The following MAPT variants were observed in gnomAD, a reference collection of about 807,000 sequenced individuals.
The protein encoded by MAPT is microtubule associated protein tau, also known as microtubule-associated protein tau.
MAPT carries 34 observed loss-of-function variants against 67.9 expected under a neutral mutation model. The ratio of observed to expected loss-of-function variants is 0.50; its 90% CI spans 0.38 to 0.67. The LOEUF (loss-of-function observed/expected upper bound fraction) is 0.67. MAPT is among the 30% of genes least tolerant of loss of function. MAPT has a pLI of 0.00. For missense variants in MAPT, 881 were observed against 1,115.2 expected, an observed-to-expected ratio of 0.79 and a Z score of 2.99; for synonymous variants, 456 against 464.5, an observed-to-expected ratio of 0.98 and a Z score of 0.23.
At chr17:45,992,384 G>C (rs2074128507) in intron 8 of MAPT, among the ~76,000 whole-genome samples, 1 of 152,172 alleles carries the variant, frequency 6.6e-6, no homozygotes, top group Non-Finnish European at 1.5e-5. Context: ...CAGCAGCCTG[G>C]ATAAGTCACA....
intron 1 of MAPT, among the ~76,000 whole-genome samples, chr17:45,956,043 A>G (rs568989510): frequency 6.6e-6 from 1 of 152,234 alleles, no homozygotes; most frequent in South Asian, 2.1e-4. Context: ...GCCTCCTTCC[A>G]TTTAAATGTA....
chr17:45,988,950 G>T (rs962220202), intron 6 of MAPT, among the ~76,000 whole-genome samples: 6 of 141,768 alleles, frequency 4.2e-5, no homozygotes, highest in African/African-American at 1.5e-4. Context: ...TCACCAGATA[G>T]TGTTAATATT....
intron 1 of MAPT, among the ~76,000 whole-genome samples, chr17:45,941,495 TAG>T (rs1480181159): frequency 6.6e-6 from 1 of 151,982 alleles, no homozygotes; most frequent in Non-Finnish European, 1.5e-5. Flanking sequence ...CCCAGGGGTG[TAG>T]AGTTTTGCCA....
intron 1 of MAPT, chr17:45,895,048 CGTGTGT>C (rs10593245): frequency 0.043 from 5,783 of 133,494 alleles, 173 homozygotes; most frequent in African/African-American, 0.082. Context: ...CCGCAATGGG[CGTGTGT>C]GTGTGTGTGT....
intron 12 of MAPT, among the ~76,000 whole-genome samples, chr17:46,023,478 C>G (rs193239523): frequency 9.8e-5 from 15 of 152,296 alleles, no homozygotes; most frequent in Admixed American, 8.5e-4. Context: ...GGGGAGGGTA[C>G]CTGGGTGCCT....
rs113091392 is a variant in MAPT, at chr17:45,999,723, C to T, written c.1998+3059C>T. The T allele has an allele frequency of 2.3e-4, 326 of 1,391,862 alleles. 3 individuals carry two copies. In the African/African-American group the frequency reaches 3.6e-3, roughly 15 times the overall value. The allele number at this position is 1,391,862 out of a possible 1,614,324, so 86.2% of individuals were successfully genotyped here. On this transcript the variant is annotated intron_variant, in intron 9 of 12. Transcript: ENST00000262410. ...GTCACCATGCTGGGTGGAGGCAGCA[C>T]GTCCAAATCTACTAAAGGGTTAAAG...
intron 4 of MAPT, 71 bp downstream of exon 4, chr17:45,978,511 A>C (rs2072620590): frequency 8.0e-7 from 1 of 1,256,852 alleles, no homozygotes; most frequent in African/African-American, 1.5e-5. Context: ...CTCTGCCCTG[A>C]AAAGATCATT....
intron 1 of MAPT, among the ~76,000 whole-genome samples, chr17:45,949,514 T>C (rs1277862982): frequency 3.3e-5 from 5 of 152,148 alleles, no homozygotes; most frequent in Admixed American, 3.3e-4. Context: ...CATCAAAATA[T>C]CAGAATTCAA....
At position 45,897,135 on chromosome 17, in the gene MAPT, T is replaced by C. The variant is rs1020100849; in HGVS notation, c.-18+2449T>C. 6.6e-6 allele frequency: 1 copy of C among 152,146 alleles called. No homozygotes were observed. Among genetic ancestry groups the C allele is most frequent in the Non-Finnish European group, 1.5e-5 (1 of 68,076 alleles). 9.4% of individuals were successfully genotyped at this position (152,146 alleles called of 1,614,324 possible). On this transcript the variant is annotated intron_variant, in intron 1 of 12. Transcript: ENST00000262410. This position sits in a 1 kb window ranked among gnomAD's most constrained non-coding sequence, Gnocchi z 5.0. ...GAGGGGTTGCAGAGCGGCTCAGGGATCGATTCAAGCATCGTCTCTCCTCCC... is the reference window on the plus strand; with the variant it reads ...GAGGGGTTGCAGAGCGGCTCAGGGACCGATTCAAGCATCGTCTCTCCTCCC...
intron 10 of MAPT, among the ~76,000 whole-genome samples, chr17:46,014,030 G>A (rs2075995950): frequency 6.6e-6 from 1 of 152,188 alleles, no homozygotes; most frequent in African/African-American, 2.4e-5. Context: ...CTGGGGCAGG[G>A]TTGGCAGAAT....
At chr17:45,970,622 G>A (rs998995469) in intron 2 of MAPT, among the ~76,000 whole-genome samples, 1 of 152,254 alleles carries the variant, frequency 6.6e-6, no homozygotes, top group Non-Finnish European at 1.5e-5. Context: ...TCTCCCAGGA[G>A]CTCTAGGAGG....
In MAPT at chr17:46,027,411, T is replaced by C. The variant is rs2076855100; in HGVS notation, c.*3240T>C. ...TCTCCCACCTGCAGAGCCAGTGTCC[T>C]TGGGTGGGCTAGATAGGATATACTG... On this transcript the variant is annotated 3_prime_UTR_variant, in exon 13 of 13. Coordinates refer to ENST00000262410, the MANE Select transcript of MAPT (RefSeq NM_001377265.1). 1 of 152,690 alleles carries C rather than the reference T, an allele frequency of 6.5e-6. No homozygotes were observed. Among genetic ancestry groups the C allele is most frequent in the Admixed American group, 6.5e-5 (1 of 15,280 alleles). The allele number at this position is 152,690 out of a possible 1,614,324, so 9.5% of individuals were successfully genotyped here.
intron 9 of MAPT, among the ~76,000 whole-genome samples, chr17:45,997,955 G>A (rs761089497): frequency 1.3e-5 from 2 of 152,114 alleles, no homozygotes; most frequent in Non-Finnish European, 2.9e-5. Flanking sequence ...CCAGGACCCC[G>A]CTCCCGCCAC....
rs150584150 is a variant in MAPT, at chr17:45,982,066, T to C, written c.287-800T>C. On this transcript the variant is annotated intron_variant, in intron 4 of 12. Coordinates refer to ENST00000262410, the MANE Select transcript of MAPT (RefSeq NM_001377265.1). ...AGAAAGGAAAAAAAAAACTCATGCC[T>C]GTAATCCCAGCACTTTGGGGACCGG... Among the ~76,000 whole-genome samples the C allele has an allele frequency of 1.7e-3, 248 of 148,306 alleles. 1 individual carries two copies. Among genetic ancestry groups the C allele is most frequent in the African/African-American group, 5.9e-3 (239 of 40,308 alleles).
rs1319289310 is a variant in MAPT, at chr17:45,996,691, G to A, written c.1998+27G>A. 48 of 1,611,560 alleles carry A rather than the reference G, an allele frequency of 3.0e-5. No homozygotes were observed. Among genetic ancestry groups the A allele is most frequent in the Non-Finnish European group, 3.9e-5 (46 of 1,178,800 alleles). The stretch of plus-strand genomic sequence containing the variant: ...TGAGAGTGGCTGGCTGCGCGTGGAG[G>A]TGTGGGGGGCTGCGCCTGGAGGGGT... On this transcript the variant is annotated intron_variant, in intron 9 of 12. Coordinates refer to ENST00000262410, the MANE Select transcript of MAPT (RefSeq NM_001377265.1). The surrounding 1 kb of genome is among the most constrained non-coding windows in gnomAD (Gnocchi z 4.5).
rs76980614 is a variant in MAPT at position 46,017,440 on chromosome 17, A to ATT, written c.2174-1149_2174-1148dup. On this transcript the variant is annotated intron_variant, in intron 11 of 12. Coordinates refer to ENST00000262410, the MANE Select transcript of MAPT (RefSeq NM_001377265.1). ...AGGCACATGCCAACATGCCTGGCTA[A>ATT]TTTTTTTTTTTTTTTTTTTTTTTTT... 4.0e-3 allele frequency among the ~76,000 whole-genome samples: 249 copies of ATT among 62,982 alleles called. 35 individuals carry two copies. Among genetic ancestry groups the ATT allele is most frequent in the African/African-American group, 0.019 (235 of 12,622 alleles). The allele number at this position is 62,982 out of a possible 152,430, so 41.3% of individuals were successfully genotyped here. A position where few individuals can be genotyped will look rare whatever the true frequency, so the allele number is the denominator to read the frequency against.
At position 45,897,948 on chromosome 17, in the gene MAPT, A is replaced by G. The variant is rs1193504023; in HGVS notation, c.-18+3262A>G. On this transcript the variant is annotated intron_variant, in intron 1 of 12. Coordinates refer to ENST00000262410, the MANE Select transcript of MAPT (RefSeq NM_001377265.1). This position sits in a 1 kb window ranked among gnomAD's most constrained non-coding sequence, Gnocchi z 5.0. ...TTTGTGTTTTGTGATGGCTGCTTAT[A>G]TTTACTGTATAAGCATTGTATTTAC... The G allele has an allele frequency of 6.6e-6, 1 of 152,116 alleles. No homozygotes were observed. Among genetic ancestry groups the G allele is most frequent in the Non-Finnish European group, 1.5e-5 (1 of 68,032 alleles). The allele number at this position is 152,116 out of a possible 1,614,324, so 9.4% of individuals were successfully genotyped here.
intron 9 of MAPT, among the ~76,000 whole-genome samples, chr17:46,002,200 A>C (rs2075056199): frequency 6.6e-6 from 1 of 152,154 alleles, no homozygotes; most frequent in Non-Finnish European, 1.5e-5. Context: ...AGGGTGGTGG[A>C]CGGTGGCCCT....
intron 1 of MAPT, among the ~76,000 whole-genome samples, chr17:45,909,504 G>A (rs575464607): frequency 6.6e-6 from 1 of 152,280 alleles, no homozygotes; most frequent in East Asian, 1.9e-4. Flanking sequence ...GGAGGCTGAG[G>A]TGGGCAGATC....
Sources: gnomAD v4.1 joint callset for allele counts (sites outside exome capture counted in the v4.1 genomes callset) on GRCh38, gnomAD v4.1.1 for gene constraint, Gnocchi (gnomAD v3.1) non-coding constraint, MANE v1.5 for transcripts, NCBI Gene and HGNC (gene_info 2026-07-23, HGNC 2026-07-21) for gene names.